P2RX7: variants seen among roughly 807,000 people sequenced by gnomAD.
The protein encoded by P2RX7 is P2X purinoceptor 7.
A neutral mutation model predicts 71.6 loss-of-function variants in P2RX7; 62 were observed. That is an observed-to-expected ratio of 0.87 (90% CI 0.71 to 1.07). P2RX7 has a LOEUF of 1.07. Ranked by LOEUF, P2RX7 falls within the 50% of genes least tolerant of loss-of-function variation. The pLI, the probability that P2RX7 is intolerant of heterozygous loss-of-function variation, is 0.00. For missense variants in P2RX7, 686 were observed against 748.5 expected (o/e 0.92, Z 0.97); for synonymous variants, 299 against 283.3 (o/e 1.06, Z -0.56).
intron 2 of P2RX7, 135 bp downstream of exon 2, chr12:121,155,088 A>G: frequency 6.7e-7 from 1 of 1,482,130 alleles, no homozygotes; most frequent in Non-Finnish European, 9.0e-7. Context: ...GAACATCCCA[A>G]CTGAGAAAAC....
intron 1 of P2RX7, among the ~76,000 whole-genome samples, chr12:121,138,089 C>T (rs893381766): frequency 1.3e-5 from 2 of 152,162 alleles, no homozygotes; most frequent in Non-Finnish European, 2.9e-5. Context: ...CAGCCAGGAT[C>T]GTTTGGGCAG....
intron 9 of P2RX7, among the ~76,000 whole-genome samples, chr12:121,176,637 A>G (rs1883183545): frequency 6.6e-6 from 1 of 151,580 alleles, no homozygotes; most frequent in Admixed American, 6.6e-5. Context: ...TTGTAATCCC[A>G]GCTACTTGGG....
chr12:121,160,915 G>T lies in P2RX7; in HGVS notation c.377G>T (p.Arg126Met), dbSNP rs368041937. The stretch of plus-strand genomic sequence containing the variant: ...TTCTATCTGCAGTATCCCACCCGCA[G>T]GACGCTCTGTTCCTCTGACCGAGGT... ...QRLCPEYPTR[R>M]TLCSSDRGCK... The change falls in exon 4 of 13, where the codon AGG (arginine) becomes ATG (methionine). Residue 126 changes from arginine to methionine, a missense_variant. Transcript: ENST00000328963. 1 of 1,613,748 alleles carries T rather than the reference G, an allele frequency of 6.2e-7. No homozygotes were observed. The highest frequency in any genetic ancestry group is 1.3e-5 in the African/African-American group (1 of 74,904).
At chr12:121,161,191 T>C (rs1386568510) in intron 4 of P2RX7, among the ~76,000 whole-genome samples, 1 of 152,132 alleles carries the variant, frequency 6.6e-6, no homozygotes, top group African/African-American at 2.4e-5. Flanking sequence ...GAGAAGAAGC[T>C]CCTAAAAACC....
chr12:121,154,880 AG>A lies in P2RX7; in HGVS notation c.222del (p.Ile75SerfsTer6). ...KVKGIAEVKE[E>X]IVENGVKKLV... Reference sequence around the variant, plus strand: ...AAGGGGATAGCAGAGGTGAAAGAGGAGATCGTGGAGAATGGAGTGAAGAAGT... The same window carrying A: ...AAGGGGATAGCAGAGGTGAAAGAGGAATCGTGGAGAATGGAGTGAAGAAGT... On this transcript the variant is annotated frameshift_variant, in exon 2 of 13. Coordinates refer to ENST00000328963, the MANE Select transcript of P2RX7 (RefSeq NM_002562.6). LOFTEE classifies it high-confidence loss of function. The surrounding 1 kb of genome is among the most constrained non-coding windows in gnomAD (Gnocchi z 4.2). The A allele has an allele frequency of 6.2e-7, 1 of 1,614,168 alleles. No homozygotes were observed. The highest frequency in any genetic ancestry group is 8.5e-7 in the Non-Finnish European group (1 of 1,180,010).
At chr12:121,136,562 T>C (rs781265592) in intron 1 of P2RX7, among the ~76,000 whole-genome samples, 1 of 151,854 alleles carries the variant, frequency 6.6e-6, no homozygotes, top group Non-Finnish European at 1.5e-5. Context: ...ACTCAAGTGA[T>C]CCTCCTGCTT....
intron 12 of P2RX7, 51 bp downstream of exon 12, chr12:121,180,506 A>G: frequency 1.1e-6 from 1 of 877,222 alleles, no homozygotes; most frequent in Non-Finnish European, 1.8e-6. Context: ...ATTTACTGTT[A>G]AATATAAACA....
intron 1 of P2RX7, among the ~76,000 whole-genome samples, chr12:121,142,711 TCTC>T (rs1875207019): frequency 6.6e-6 from 1 of 152,118 alleles, no homozygotes; most frequent in Non-Finnish European, 1.5e-5. Context: ...GTGTGTCAAA[TCTC>T]CTTCTGCCTC....
At chr12:121,141,025 G>T (rs1272127537) in intron 1 of P2RX7, among the ~76,000 whole-genome samples, 1 of 152,174 alleles carries the variant, frequency 6.6e-6, no homozygotes, top group Non-Finnish European at 1.5e-5. Flanking sequence ...GGCAGAGGTT[G>T]CAGTGAGCCT....
chr12:121,168,217 A>G (rs1010101009), intron 8 of P2RX7, among the ~76,000 whole-genome samples: 8 of 151,780 alleles, frequency 5.3e-5, no homozygotes, highest in Admixed American at 2.0e-4. Flanking sequence ...ATAACATTCC[A>G]TTTTGTAGGT....
chr12:121,166,404 C>T (rs1315252367), intron 7 of P2RX7, among the ~76,000 whole-genome samples: 2 of 152,220 alleles, frequency 1.3e-5, no homozygotes, highest in Non-Finnish European at 2.9e-5. Flanking sequence ...TATTCCTTTC[C>T]TGTGGCTGCT....
At chr12:121,148,967 G>T in intron 1 of P2RX7, 1 of 454,594 alleles carries the variant, frequency 2.2e-6, no homozygotes, top group Non-Finnish European at 4.3e-6. Flanking sequence ...CACTTTGGAG[G>T]CTCAGCCCTT....
At chr12:121,136,092 A>G (rs1873580514) in intron 1 of P2RX7, among the ~76,000 whole-genome samples, 3 of 139,842 alleles carry the variant, frequency 2.1e-5, no homozygotes, top group Admixed American at 1.5e-4. Context: ...ATTTTTATAT[A>G]TTTATATTTT....
intron 5 of P2RX7, among the ~76,000 whole-genome samples, chr12:121,162,973 AAG>A (rs1426524297): frequency 1.4e-4 from 21 of 149,742 alleles, no homozygotes; most frequent in African/African-American, 3.0e-4. Context: ...GTGAGGGTAA[AAG>A]AGGGGGGGAA....
At chr12:121,179,267 G>C (rs1413520804) in intron 11 of P2RX7, among the ~76,000 whole-genome samples, 1 of 152,162 alleles carries the variant, frequency 6.6e-6, no homozygotes, top group Non-Finnish European at 1.5e-5. Context: ...GGGAGGCCAA[G>C]GAGGGTGGAT....
intron 11 of P2RX7, among the ~76,000 whole-genome samples, chr12:121,179,417 T>C (rs943617488): frequency 1.3e-5 from 2 of 151,710 alleles, no homozygotes; most frequent in Admixed American, 6.6e-5. Flanking sequence ...GGAGAATCGC[T>C]TGAACCCAGG....
intron 1 of P2RX7, among the ~76,000 whole-genome samples, chr12:121,137,269 A>G (rs1405313572): frequency 6.6e-6 from 1 of 152,158 alleles, no homozygotes; most frequent in East Asian, 1.9e-4. Context: ...ATCTAGGTAC[A>G]TATTTTTCAG....
intron 8 of P2RX7, among the ~76,000 whole-genome samples, chr12:121,171,667 C>A (rs900046833): frequency 1.3e-5 from 2 of 151,948 alleles, no homozygotes; most frequent in African/African-American, 4.8e-5. Flanking sequence ...TTCCAGTGTA[C>A]GAAAAACACT....
At chr12:121,174,796 T>C (rs1354134274) in intron 8 of P2RX7, among the ~76,000 whole-genome samples, 1 of 152,012 alleles carries the variant, frequency 6.6e-6, no homozygotes, top group African/African-American at 2.4e-5. Flanking sequence ...GTTTAAAATG[T>C]GCATTTTAAT....
Sources: allele counts gnomAD v4.1 joint callset (sites outside exome capture counted in the v4.1 genomes callset), GRCh38; gene constraint gnomAD v4.1.1; non-coding constraint Gnocchi (gnomAD v3.1); transcripts MANE v1.5; gene names NCBI Gene and HGNC (gene_info 2026-07-23, HGNC 2026-07-21).